The following ZFHX3 variants were observed in gnomAD, a reference collection of about 807,000 sequenced individuals.
ZFHX3 encodes zinc finger homeobox protein 3.
A neutral mutation model predicts 279.1 loss-of-function variants in ZFHX3; 42 were observed. The ratio of observed to expected loss-of-function variants is 0.15; its 90% CI spans 0.12 to 0.19. ZFHX3 has a LOEUF of 0.19. Among genes scored for constraint, ZFHX3 ranks in the 10% least tolerant of loss-of-function variants. The probability of loss-of-function intolerance (pLI) is 1.00; values close to 1 mark genes in which losing one functional copy is unlikely to be tolerated. For missense variants in ZFHX3, 4,981 were observed against 4,754.0 expected, an observed-to-expected ratio of 1.05 and a Z score of -1.40; for synonymous variants, 2,293 against 1,957.8, an observed-to-expected ratio of 1.17 and a Z score of -4.52.
intron 3 of ZFHX3, among the ~76,000 whole-genome samples, chr16:72,941,328 T>TAA (rs1326967802): frequency 6.6e-6 from 1 of 152,248 alleles, no homozygotes; most frequent in Non-Finnish European, 1.5e-5. Flanking sequence ...GAGGCATTTG[T>TAA]AAATTTCTTT....
intron 2 of ZFHX3, among the ~76,000 whole-genome samples, chr16:73,544,194 GA>G (rs371900811): frequency 8.0e-5 from 12 of 150,820 alleles, no homozygotes; most frequent in Non-Finnish European, 1.3e-4. Flanking sequence ...TTAGGGAGAG[GA>G]AAAAAAAAGG....
At chr16:73,763,020 C>T (rs1349457729) in intron 1 of ZFHX3, among the ~76,000 whole-genome samples, 2 of 152,032 alleles carry the variant, frequency 1.3e-5, no homozygotes, top group East Asian at 1.9e-4. Flanking sequence ...AAGTGGGATT[C>T]CTTCCCCTAA....
At chr16:73,378,587 G>A (rs1364568829) in intron 3 of ZFHX3, among the ~76,000 whole-genome samples, 1 of 152,162 alleles carries the variant, frequency 6.6e-6, no homozygotes, top group Non-Finnish European at 1.5e-5. Flanking sequence ...TAAAAGACAT[G>A]CTTCTTGCTT....
At position 73,470,248 on chromosome 16, in the gene ZFHX3, C is replaced by T. The variant is rs74608829; in HGVS notation, c.-1546-13990G>A. Among the ~76,000 whole-genome samples, 916 of 152,280 alleles carry T rather than the reference C, an allele frequency of 6.0e-3. 6 individuals are homozygous for T. The highest frequency in any genetic ancestry group is 0.021 in the African/African-American group (864 of 41,554). ...TTTCCTATATTCACGGGGGCTTCAA[C>T]GCATCATCTACTTATGCAAAGCTGT... On this transcript the variant is annotated intron_variant, in intron 2 of 17. Transcript: ENST00000641206.
intron 3 of ZFHX3, among the ~76,000 whole-genome samples, chr16:72,934,936 T>C (rs992387967): frequency 2.0e-5 from 3 of 152,170 alleles, no homozygotes; most frequent in Non-Finnish European, 4.4e-5. Context: ...GATCATGAAA[T>C]CCATGCTGTG....
chr16:73,651,891 C>T (rs541999492), intron 2 of ZFHX3, among the ~76,000 whole-genome samples: 85 of 150,356 alleles, frequency 5.7e-4, no homozygotes, highest in Admixed American at 5.4e-3. Flanking sequence ...GACTGGACAT[C>T]TGACATCTTG....
At chr16:73,809,135 C>T (rs960342112) in intron 1 of ZFHX3, 2 of 152,150 alleles carry the variant, frequency 1.3e-5, no homozygotes, top group African/African-American at 4.8e-5. Flanking sequence ...CCTTTGCTGT[C>T]GGAATGGAGG....
At chr16:73,651,812 G>A (rs555606060) in intron 2 of ZFHX3, among the ~76,000 whole-genome samples, 6 of 144,906 alleles carry the variant, frequency 4.1e-5, no homozygotes, top group African/African-American at 1.0e-4. Context: ...CGCAGATCAC[G>A]CCACTGCACT....
chr16:73,686,100 A>G (rs2053080349), intron 1 of ZFHX3, among the ~76,000 whole-genome samples: 1 of 151,880 alleles, frequency 6.6e-6, no homozygotes, highest in African/African-American at 2.4e-5. Flanking sequence ...TTATTTATTT[A>G]TTTATTTATT....
At chr16:73,760,976 G>C (rs1859119357) in intron 1 of ZFHX3, among the ~76,000 whole-genome samples, 1 of 143,668 alleles carries the variant, frequency 7.0e-6, no homozygotes, top group African/African-American at 2.6e-5. Context: ...GCTCTGGCCA[G>C]GGCAATCAGG....
chr16:73,496,439 G>T (rs2019143188), intron 2 of ZFHX3, among the ~76,000 whole-genome samples: 1 of 152,232 alleles, frequency 6.6e-6, no homozygotes, highest in Non-Finnish European at 1.5e-5. Context: ...GCTGGGGCAG[G>T]AGAATCGCTT....
chr16:73,293,460 C>T (rs61011662), intron 4 of ZFHX3, among the ~76,000 whole-genome samples: 1 of 152,150 alleles, frequency 6.6e-6, no homozygotes. Context: ...ATGGTACTTT[C>T]AAGATTTTGG....
At chr16:73,865,143 C>T (rs1036960758) in intron 1 of ZFHX3, among the ~76,000 whole-genome samples, 1 of 152,208 alleles carries the variant, frequency 6.6e-6, no homozygotes, top group Non-Finnish European at 1.5e-5. Flanking sequence ...TGAGTCATCA[C>T]AGTCAATACC....
intron 3 of ZFHX3, among the ~76,000 whole-genome samples, chr16:72,898,746 C>CAAAAA (rs34647860): frequency 7.8e-6 from 1 of 128,132 alleles, no homozygotes; most frequent in African/African-American, 2.8e-5. Flanking sequence ...AACCCTGTCT[C>CAAAAA]AAAAAAAAAA....
rs137984545 is a variant in ZFHX3 at position 72,950,610 on chromosome 16, G to A, written c.3075C>T (p.Asn1025=). The part of the protein sequence containing the change: ...VAHIKEGGKA[N]EWRLKCVAIG... ...TGGCCACACACTTGAGCCTCCACTC[G>A]TTGGCCTTGCCGCCCTCCTTGATGT... The change falls in exon 3 of 10, where the codon AAC becomes AAT. Residue 1025 remains asparagine (N), a synonymous_variant. Transcript: ENST00000268489. The A allele has an allele frequency of 1.2e-4, 188 of 1,614,200 alleles. No individual in the cohort carries two copies. Among genetic ancestry groups the A allele is most frequent in the East Asian group, 1.6e-4 (7 of 44,884 alleles).
At chr16:73,890,260 A>G (rs1345636161) in intron 1 of ZFHX3, among the ~76,000 whole-genome samples, 1 of 151,532 alleles carries the variant, frequency 6.6e-6, no homozygotes, top group Non-Finnish European at 1.5e-5. Context: ...AAAAACAACA[A>G]AAAAAAACCT....
At chr16:73,017,368 G>A (rs1012320380) in intron 1 of ZFHX3, among the ~76,000 whole-genome samples, 16 of 152,108 alleles carry the variant, frequency 1.1e-4, no homozygotes, top group African/African-American at 3.6e-4. Context: ...TCAGGGAGGT[G>A]GGTCCCAAAA....
chr16:72,882,982 GTGTGTGTGTGTGT>G (rs2038526270), intron 4 of ZFHX3, among the ~76,000 whole-genome samples: 34 of 20,802 alleles, frequency 1.6e-3, no homozygotes, highest in Non-Finnish European at 2.1e-3. Context: ...TCTGGGGTGT[GTGTGTGTGTGTGT>G]GTGTGTGTGT....
chr16:73,065,498 G>A (rs1466041618), intron 8 of ZFHX3, among the ~76,000 whole-genome samples: 2 of 150,970 alleles, frequency 1.3e-5, no homozygotes, highest in East Asian at 3.9e-4. Context: ...CCATAATTTT[G>A]TGATTTAAGG....
Sources: gnomAD v4.1 joint callset for allele counts (sites outside exome capture counted in the v4.1 genomes callset) on GRCh38, gnomAD v4.1.1 for gene constraint, MANE v1.5 for transcripts, NCBI Gene and HGNC (gene_info 2026-07-23, HGNC 2026-07-21) for gene names.